Variants in ZNF365 observed in about 807,000 individuals in gnomAD.
ZNF365 encodes the protein zinc finger protein 365, also known as protein ZNF365.
ZNF365 carries 22 observed loss-of-function variants against 35.0 expected under a neutral mutation model. The ratio of observed to expected loss-of-function variants is 0.63; its 90% CI spans 0.45 to 0.90. The LOEUF is 0.90. Ranked by LOEUF, ZNF365 falls within the 40% of genes least tolerant of loss-of-function variation. The pLI, the probability that ZNF365 is intolerant of heterozygous loss-of-function variation, is 0.00. For missense variants in ZNF365, 448 were observed against 500.3 expected, an observed-to-expected ratio of 0.90 and a Z score of 1.00; for synonymous variants, 188 against 196.2, an observed-to-expected ratio of 0.96 and a Z score of 0.35.
rs1839799427 is a variant in ZNF365 at position 62,399,950 on chromosome 10, G to A, written c.*161G>A. 7.4e-7 allele frequency: 1 copy of A among 1,350,312 alleles called. No homozygotes were observed. The highest frequency in any genetic ancestry group is 2.6e-5 in the East Asian group (1 of 38,842). The allele number at this position is 1,350,312 out of a possible 1,614,324, so 83.6% of individuals were successfully genotyped here. A position where few individuals can be genotyped will look rare whatever the true frequency, so the allele number is the denominator to read the frequency against. On this transcript the variant is annotated 3_prime_UTR_variant, in exon 5 of 5. Coordinates refer to ENST00000395254, the MANE Select transcript of ZNF365 (RefSeq NM_014951.3). ...CTCAATTAACCAGAGCTTAGCAAAT[G>A]GGAATCTTAGTGAACCAGAATTTTA...
intron 3 of ZNF365, among the ~76,000 whole-genome samples, chr10:62,392,602 CCGTTTGTT>C (rs1227275584): frequency 1.7e-5 from 2 of 116,470 alleles, no homozygotes; most frequent in East Asian, 2.7e-4. Context: ...GGTCTATGTG[CCGTTTGTT>C]TGTTTGTTTG....
intron 3 of ZNF365, among the ~76,000 whole-genome samples, chr10:62,453,012 T>C (rs1442090197): frequency 1.3e-5 from 2 of 152,234 alleles, no homozygotes; most frequent in East Asian, 3.8e-4. Context: ...ATAATAAAAA[T>C]ATTCAGTGTT....
In ZNF365 at chr10:62,400,056, T is replaced by C; in HGVS notation, c.*267T>C. 8.4e-7 allele frequency: 1 copy of C among 1,187,008 alleles called. No homozygotes were observed. The highest frequency in any genetic ancestry group is 3.5e-4 in the Middle Eastern group (1 of 2,840). The allele number at this position is 1,187,008 out of a possible 1,614,324, so 73.5% of individuals were successfully genotyped here. On this transcript the variant is annotated 3_prime_UTR_variant, in exon 5 of 5. Transcript: ENST00000395254. The stretch of plus-strand genomic sequence containing the variant: ...AATCTTAAAGCTCTAACTTCTAAAG[T>C]AACTGGCCCAGTCTCCAGTAATCTT...
chr10:62,390,698 G>A (rs570673044), intron 3 of ZNF365, among the ~76,000 whole-genome samples: 1 of 152,294 alleles, frequency 6.6e-6, no homozygotes, highest in South Asian at 2.1e-4. Flanking sequence ...ATCATAGAGT[G>A]TATTTACACA....
chr10:62,397,309 T>G (rs552157021), intron 3 of ZNF365, among the ~76,000 whole-genome samples: 330 of 152,182 alleles, frequency 2.2e-3, no homozygotes, highest in African/African-American at 7.5e-3. Context: ...TGCGGCTTGC[T>G]GCAGACAGAA....
At chr10:62,459,235 C>A (rs962682547) in intron 3 of ZNF365, among the ~76,000 whole-genome samples, 1 of 152,210 alleles carries the variant, frequency 6.6e-6, no homozygotes, top group African/African-American at 2.4e-5. Flanking sequence ...CCATGACTCA[C>A]ATGGGGATGA....
chr10:62,464,747 T>C (rs1279889570), intron 4 of ZNF365, among the ~76,000 whole-genome samples: 1 of 152,246 alleles, frequency 6.6e-6, no homozygotes, highest in Non-Finnish European at 1.5e-5. Context: ...AGGAGGATTA[T>C]CACTTTATGG....
At chr10:62,417,760 T>C (rs1840097994) in intron 3 of ZNF365, among the ~76,000 whole-genome samples, 1 of 151,968 alleles carries the variant, frequency 6.6e-6, no homozygotes, top group African/African-American at 2.4e-5. Flanking sequence ...AGCCTGAGTC[T>C]CTTAATTTTC....
At chr10:62,438,196 T>G (rs929656983) in intron 3 of ZNF365, among the ~76,000 whole-genome samples, 1 of 150,968 alleles carries the variant, frequency 6.6e-6, no homozygotes, top group Non-Finnish European at 1.5e-5. Flanking sequence ...TGTTTTTGTT[T>G]TTTTTTTTTT....
At chr10:62,464,341 A>G (rs6479815) in intron 4 of ZNF365, among the ~76,000 whole-genome samples, 45,322 of 152,042 alleles carry the variant, frequency 0.3, 6,843 homozygotes, top group South Asian at 0.35. Context: ...ACCCCATCCT[A>G]TTTCTTCACA....
chr10:62,406,487 T>A (rs1381695125), downstream of ZNF365, among the ~76,000 whole-genome samples: 2 of 152,146 alleles, frequency 1.3e-5, no homozygotes, highest in African/African-American at 4.8e-5. Context: ...CTTTTATCCC[T>A]AGTATGTCCC....
At chr10:62,464,240 G>A (rs1461761771) in intron 4 of ZNF365, among the ~76,000 whole-genome samples, 1 of 152,044 alleles carries the variant, frequency 6.6e-6, no homozygotes, top group Non-Finnish European at 1.5e-5. Context: ...ATGCTTACTA[G>A]CTCATTGTAA....
At chr10:62,474,755 G>A (rs1225426681) in intron 4 of ZNF365, among the ~76,000 whole-genome samples, 1 of 152,112 alleles carries the variant, frequency 6.6e-6, no homozygotes, top group African/African-American at 2.4e-5. Context: ...TCACAAAGAA[G>A]CCCAAAACTA....
At chr10:62,393,610 G>A (rs1041791730) in intron 3 of ZNF365, among the ~76,000 whole-genome samples, 4 of 152,182 alleles carry the variant, frequency 2.6e-5, no homozygotes, top group African/African-American at 7.2e-5. Flanking sequence ...GTACATGCAT[G>A]CATATACACA....
intron 3 of ZNF365, among the ~76,000 whole-genome samples, chr10:62,441,772 A>G (rs964586040): frequency 2.0e-5 from 3 of 152,196 alleles, no homozygotes; most frequent in Non-Finnish European, 2.9e-5. Flanking sequence ...CATGTTTAAT[A>G]TATGCTTGTG....
intron 3 of ZNF365, among the ~76,000 whole-genome samples, chr10:62,431,550 T>A (rs541703086): frequency 3.9e-5 from 6 of 152,278 alleles, no homozygotes; most frequent in South Asian, 2.1e-4. Context: ...TTTTGACCAG[T>A]CTCCTACTGA....
intron 4 of ZNF365, among the ~76,000 whole-genome samples, chr10:62,461,613 C>T (rs1840849442): frequency 6.6e-6 from 1 of 152,154 alleles, no homozygotes; most frequent in African/African-American, 2.4e-5. Flanking sequence ...TGTAGCTGCT[C>T]AATAAGGACA....
intron 1 of ZNF365, among the ~76,000 whole-genome samples, chr10:62,374,678 C>T (rs1292483136): frequency 6.6e-6 from 1 of 152,150 alleles, no homozygotes; most frequent in Non-Finnish European, 1.5e-5. Context: ...GCTGGGACCC[C>T]GGGGCAGGGT....
chr10:62,437,286 A>T (rs1236487861), intron 3 of ZNF365, among the ~76,000 whole-genome samples: 4 of 152,232 alleles, frequency 2.6e-5, no homozygotes, highest in Non-Finnish European at 5.9e-5. Flanking sequence ...GGCTGAATTT[A>T]ACTTTTTTTG....
Sources: allele counts gnomAD v4.1 joint callset (sites outside exome capture counted in the v4.1 genomes callset), GRCh38; gene constraint gnomAD v4.1.1; transcripts MANE v1.5; gene names NCBI Gene and HGNC (gene_info 2026-07-23, HGNC 2026-07-21).